Variants in KIAA1210 observed in about 807,000 individuals in gnomAD.
KIAA1210 encodes the protein acrosomal protein KIAA1210.
KIAA1210 carries 48 observed loss-of-function variants against 78.9 expected under a neutral mutation model. The ratio of observed to expected loss-of-function variants is 0.61; its 90% CI spans 0.48 to 0.77. The LOEUF is 0.77. Among genes scored for constraint, KIAA1210 ranks in the 30% least tolerant of loss-of-function variants. The pLI is 0.00. For synonymous variants in KIAA1210, 406 were observed against 404.5 expected, an observed-to-expected ratio of 1.00 and a Z score of -0.04; for missense variants, 1,108 against 1,100.0, an observed-to-expected ratio of 1.01 and a Z score of -0.10.
intron 6 of KIAA1210, among the ~76,000 whole-genome samples, chrX:119,098,591 C>T (rs750656108): frequency 5.8e-5 from 5 of 86,748 alleles, no homozygotes; most frequent in African/African-American, 1.4e-4. Context: ...GGCGACAAAG[C>T]GAGAGACTCC....
intron 3 of KIAA1210, among the ~76,000 whole-genome samples, chrX:119,114,805 G>T: frequency 8.9e-6 from 1 of 112,076 alleles, no homozygotes; most frequent in East Asian, 2.8e-4. Context: ...TGTCAGAAAT[G>T]AAAACTCTTG....
At chrX:119,092,537 A>G (rs888507609) in intron 8 of KIAA1210, among the ~76,000 whole-genome samples, 46 of 111,565 alleles carry the variant, frequency 4.1e-4, no homozygotes, top group Non-Finnish European at 5.5e-4. Flanking sequence ...CAAGGTGGGC[A>G]GATCACAAGG....
upstream of KIAA1210, among the ~76,000 whole-genome samples, chrX:119,151,078 G>A (rs1929288842): frequency 8.9e-6 from 1 of 112,455 alleles, no homozygotes; most frequent in Non-Finnish European, 1.9e-5. Context: ...GGGGCAGCTC[G>A]GCACTTCAAG....
At chrX:119,094,064 GA>G (rs1569314480) in intron 7 of KIAA1210, 2 of 1,206,801 alleles carry the variant, frequency 1.7e-6, no homozygotes, top group Admixed American at 2.2e-5. Context: ...AAATACCCTG[GA>G]AATGACTGAA....
In KIAA1210 at chrX:119,092,759, T is replaced by TAAA. The variant is rs746567004; in HGVS notation, c.955+907_955+908insTTT. ...CTGGGTGACAGAGTGAGACTCCGTC[T>TAAA]TAAATAAATAAATAAATAAATAAAT... On this transcript the variant is annotated intron_variant, in intron 8 of 11. Coordinates refer to ENST00000691062, the MANE Select transcript of KIAA1210 (RefSeq NM_001394962.1). Among the ~76,000 whole-genome samples the TAAA allele has an allele frequency of 4.8e-3, 411 of 85,319 alleles. 1 individual carries two copies. Among genetic ancestry groups the TAAA allele is most frequent in the African/African-American group, 0.016 (386 of 24,084 alleles). 74.1% of individuals were successfully genotyped at this position (85,319 alleles called of 115,157 possible).
Position 119,081,471 on chromosome X carries a change from G to A in KIAA1210, c.4460C>T (p.Pro1487Leu), listed in dbSNP as rs1190920930. ...GFEAQKILQV[P>L]AMEKETKRSS... ...TCGTTTGGTTTCTTTTTCCATGGCAGGAACTTGCAGTATCTTCTGAGCTTC... is the reference window on the plus strand; with the variant it reads ...TCGTTTGGTTTCTTTTTCCATGGCAAGAACTTGCAGTATCTTCTGAGCTTC... The change falls in exon 12 of 12, where the codon CCT becomes CTT. Residue 1487 changes from proline to leucine, a missense_variant. Pro to Leu is a moderately conservative substitution (Grantham distance 98). Coordinates refer to ENST00000691062, the MANE Select transcript of KIAA1210 (RefSeq NM_001394962.1). 8.3e-7 allele frequency: 1 copy of A among 1,208,764 alleles called. No homozygotes were observed. The highest frequency in any genetic ancestry group is 1.1e-6 in the Non-Finnish European group (1 of 894,335).
In KIAA1210 at chrX:119,087,893, T is replaced by C; in HGVS notation, c.2809A>G (p.Ile937Val). The change falls in exon 9 of 12, where the codon ATT (isoleucine) becomes GTT (valine). Residue 937 changes from isoleucine (I) to valine (V), a missense_variant. This residue lies in a region of KIAA1210 where 179 missense variants were observed against 174.1 expected (regional missense o/e 1.03). Transcript: ENST00000691062. ...HPESTTVEED[I>V]SKEQLLPRHL... is the part of the protein sequence containing the mutation. The stretch of plus-strand genomic sequence containing the variant: ...CTGGGAAGCAGCTGCTCCTTAGAAA[T>C]GTCCTCTTCAACAGTAGTGCTTTCT... 1.7e-6 allele frequency: 2 copies of C among 1,211,860 alleles called. No homozygotes were observed. Among genetic ancestry groups the C allele is most frequent in the Non-Finnish European group, 2.2e-6 (2 of 895,457 alleles).
At chrX:119,094,604 G>A (rs1310708267) in intron 7 of KIAA1210, among the ~76,000 whole-genome samples, 1 of 112,246 alleles carries the variant, frequency 8.9e-6, no homozygotes, top group African/African-American at 3.2e-5. Context: ...CCTTGGGCAA[G>A]TTATTCTCTG....
chrX:119,135,595 C>T (rs779460543), intron 2 of KIAA1210, among the ~76,000 whole-genome samples: 1 of 111,673 alleles, frequency 9.0e-6, no homozygotes, highest in Non-Finnish European at 1.9e-5. Flanking sequence ...AAGAGCTCTG[C>T]CCCCAAATGC....
chrX:119,147,372 A>AG, intron 2 of KIAA1210: 5 of 985,602 alleles, frequency 5.1e-6, no homozygotes, highest in Non-Finnish European at 5.6e-6. Context: ...CAGGGTCATC[A>AG]GGGAAGTTTT....
intron 2 of KIAA1210, among the ~76,000 whole-genome samples, chrX:119,139,315 A>G (rs148874628): frequency 8.9e-6 from 1 of 112,068 alleles, no homozygotes; most frequent in African/African-American, 3.2e-5. Flanking sequence ...GGGAAGCCAT[A>G]AGAAATGGAT....
chrX:119,124,063 C>T (rs1023918048), intron 1 of KIAA1210, among the ~76,000 whole-genome samples: 8 of 111,385 alleles, frequency 7.2e-5, no homozygotes, highest in African/African-American at 9.8e-5. Context: ...GTGGTGTGAT[C>T]GCAGCTTACT....
Position 119,150,317 on chromosome X carries a change from G to T in KIAA1210, c.263C>A (p.Pro88Gln), listed in dbSNP as rs763902237. ...CCTGCACCAAGTGGTAGGGAATCGC[G>T]GTGTGCAGGGCAGGAAGCCCCGGGA... The change falls in exon 1 of 14, where the codon CCG (proline) becomes CAG (glutamine). Residue 88 changes from proline to glutamine, a missense_variant. Physicochemically the swap from Pro to Gln is moderately conservative, Grantham distance 76 (BLOSUM62 -1). Transcript: ENST00000402510. 3.3e-6 allele frequency: 4 copies of T among 1,206,683 alleles called. No individual in the cohort carries two copies. Among genetic ancestry groups the T allele is most frequent in the Non-Finnish European group, 2.2e-6 (2 of 892,934 alleles).
chrX:119,099,553 T>C (rs934485890), intron 6 of KIAA1210, among the ~76,000 whole-genome samples: 9 of 112,566 alleles, frequency 8.0e-5, no homozygotes, highest in Non-Finnish European at 1.9e-5. Context: ...TTTAAAACAG[T>C]CTTAACAGGA....
chrX:119,087,793 G>T lies in KIAA1210; in HGVS notation c.2909C>A (p.Ala970Glu). 8.3e-7 allele frequency: 1 copy of T among 1,211,780 alleles called. No homozygotes were observed. The highest frequency in any genetic ancestry group is 1.8e-5 in the South Asian group (1 of 56,951). The change falls in exon 9 of 12, where the codon GCA becomes GAA. Residue 970 changes from alanine to glutamate, a missense_variant. Ala to Glu is a moderately radical substitution (Grantham distance 107). Around this residue, in one of 5 missense-constraint regions of KIAA1210, gnomAD observed 179 missense variants for 174.1 expected, o/e 1.03. Transcript: ENST00000691062. Reference sequence around the variant, plus strand: ...AGGCAATGGACTCCCAGAAATGTCTGCCTCAATAGCAGCCCGCTCGAAATT... The same window carrying T: ...AGGCAATGGACTCCCAGAAATGTCTTCCTCAATAGCAGCCCGCTCGAAATT... ...SSNFERAAIE[A>E]DISGSPLPPQ... is the part of the protein sequence containing the mutation.
chrX:119,100,399 A>AAGCAAAT (rs202203943), intron 6 of KIAA1210, among the ~76,000 whole-genome samples: 1,501 of 108,589 alleles, frequency 0.014, 44 homozygotes, highest in African/African-American at 0.048. Context: ...TGCCCAAGAA[A>AAGCAAAT]AGCAAATAGA....
chrX:119,114,209 T>A (rs1928179453), intron 3 of KIAA1210, among the ~76,000 whole-genome samples: 1 of 111,571 alleles, frequency 9.0e-6, no homozygotes, highest in Non-Finnish European at 1.9e-5. Flanking sequence ...ATATATTTGA[T>A]AATGACACAC....
exon 1 of KIAA1210, chrX:119,150,478 C>T (rs1023452606): frequency 1.7e-6 from 2 of 1,211,549 alleles, no homozygotes; most frequent in Non-Finnish European, 1.1e-6. Flanking sequence ...CAATCCTGGC[C>T]CCTCGGTCCC....
chrX:119,116,733 C>A, intron 2 of KIAA1210, 69 bp from the exon 3 acceptor site: 1 of 1,011,243 alleles, frequency 9.9e-7, no homozygotes, highest in Non-Finnish European at 1.3e-6. Context: ...GAAAAAGAGC[C>A]TTCATGAGAG....
Sources: gnomAD v4.1 joint callset for allele counts (sites outside exome capture counted in the v4.1 genomes callset) on GRCh38, gnomAD v4.1.1 for gene constraint, gnomAD v4.1.1 regional missense constraint, MANE v1.5 for transcripts, NCBI Gene and HGNC (gene_info 2026-07-23, HGNC 2026-07-21) for gene names.